RALGAPA2: variants seen among roughly 807,000 people sequenced by gnomAD.
RALGAPA2 encodes the protein Ral GTPase activating protein catalytic subunit alpha 2, also known as ral GTPase-activating protein subunit alpha-2.
In RALGAPA2, 139 loss-of-function variants were observed where a neutral mutation model predicts 230.4. The observed-to-expected ratio is 0.60, with a 90% CI of 0.53 to 0.69. The LOEUF (loss-of-function observed/expected upper bound fraction) is 0.69, where lower values mean the gene tolerates loss of function less well. Ranked by LOEUF, RALGAPA2 falls within the 30% of genes least tolerant of loss-of-function variation. The probability of loss-of-function intolerance (pLI) is 0.00; values close to 1 mark genes in which losing one functional copy is unlikely to be tolerated. For synonymous variants in RALGAPA2, 847 were observed against 837.8 expected (o/e 1.01, Z -0.19); for missense variants, 2,163 against 2,276.0 (o/e 0.95, Z 1.01).
intron 34 of RALGAPA2, chr20:20,505,037 C>A: frequency 1.0e-6 from 1 of 985,264 alleles, no homozygotes; most frequent in Non-Finnish European, 1.2e-6. Context: ...ACTCTTTCTT[C>A]ATCTTTTCAC....
chr20:20,394,274 G>A (rs371751819), intron 39 of RALGAPA2, among the ~76,000 whole-genome samples: 1 of 152,166 alleles, frequency 6.6e-6, no homozygotes, highest in Non-Finnish European at 1.5e-5. Context: ...GCCTGGCTCA[G>A]GGTGTCCTGA....
intron 18 of RALGAPA2, among the ~76,000 whole-genome samples, chr20:20,588,936 G>A (rs1461565435): frequency 6.6e-6 from 1 of 151,960 alleles, no homozygotes; most frequent in Non-Finnish European, 1.5e-5. Context: ...ATTCATGTCA[G>A]GTAGAGGCTA....
chr20:20,691,714 T>C (rs978180258), intron 1 of RALGAPA2, among the ~76,000 whole-genome samples: 12 of 152,156 alleles, frequency 7.9e-5, no homozygotes, highest in Admixed American at 6.5e-5. Flanking sequence ...ACTAGCCTGG[T>C]CCATCAGAAG....
Position 20,526,324 on chromosome 20 carries a change from G to A in RALGAPA2, c.3621C>T (p.Val1207=), listed in dbSNP as rs556548568. The A allele has an allele frequency of 3.7e-6, 6 of 1,607,440 alleles. No individual in the cohort carries two copies. Among genetic ancestry groups the A allele is most frequent in the South Asian group, 3.4e-5 (3 of 88,846 alleles). Residue 1207 remains valine (V), a synonymous_variant, in exon 28 of 40, where the codon GTC becomes GTT. Transcript: ENST00000202677. Reference sequence around the variant, plus strand: ...CCCAGTAGGAAACCAGCAACTGAAGGACATCGCAAGCTACCTGGGCCACGA... The same window carrying A: ...CCCAGTAGGAAACCAGCAACTGAAGAACATCGCAAGCTACCTGGGCCACGA... ...NKIVAQVACD[V]LQLLVSYWEK... is the part of the protein sequence containing the mutation.
chr20:20,608,315 A>G (rs1457027423), intron 14 of RALGAPA2, among the ~76,000 whole-genome samples: 1 of 152,244 alleles, frequency 6.6e-6, no homozygotes, highest in Admixed American at 6.5e-5. Flanking sequence ...GCAGGACCAC[A>G]GTTTCCTGAT....
intron 35 of RALGAPA2, among the ~76,000 whole-genome samples, chr20:20,496,773 C>T (rs1168695813): frequency 6.6e-6 from 1 of 152,148 alleles, no homozygotes; most frequent in Admixed American, 6.5e-5. Context: ...CCCAACATAG[C>T]CTCTTTTCTG....
chr20:20,598,887 C>T (rs918769070), intron 16 of RALGAPA2: 1 of 382,910 alleles, frequency 2.6e-6, no homozygotes, highest in African/African-American at 2.1e-5. Context: ...ATTATTATTA[C>T]TTTTCTGGGC....
At chr20:20,591,363 A>G in intron 16 of RALGAPA2, 49 bp from the exon 17 acceptor site, 1 of 1,566,698 alleles carries the variant, frequency 6.4e-7, no homozygotes, top group African/African-American at 1.4e-5. Context: ...GTTTTTAAAA[A>G]ACACATTCAC....
chr20:20,472,984 T>C (rs776820170), intron 36 of RALGAPA2, 28 bp from the exon 37 acceptor site: 2 of 1,586,750 alleles, frequency 1.3e-6, no homozygotes, highest in East Asian at 2.2e-5. Context: ...AAAAACAAAT[T>C]TTAAAAACTG....
chr20:20,618,826 T>C (rs895231954), intron 12 of RALGAPA2, among the ~76,000 whole-genome samples: 1 of 152,222 alleles, frequency 6.6e-6, no homozygotes, highest in Non-Finnish European at 1.5e-5. Context: ...CTATTTCATA[T>C]ATTCATTCAA....
At chr20:20,596,191 C>T (rs1376276340) in intron 16 of RALGAPA2, among the ~76,000 whole-genome samples, 1 of 152,188 alleles carries the variant, frequency 6.6e-6, no homozygotes, top group African/African-American at 2.4e-5. Flanking sequence ...AATTCTGCTG[C>T]TGCCGCCAAA....
At chr20:20,543,981 G>A (rs1184924432) in intron 24 of RALGAPA2, among the ~76,000 whole-genome samples, 1 of 151,768 alleles carries the variant, frequency 6.6e-6, no homozygotes, top group Non-Finnish European at 1.5e-5. Flanking sequence ...GAAAGTGGGT[G>A]AAGGTTATAA....
At chr20:20,404,518 T>C (rs2059908652) in intron 38 of RALGAPA2, among the ~76,000 whole-genome samples, 1 of 152,186 alleles carries the variant, frequency 6.6e-6, no homozygotes, top group Admixed American at 6.5e-5. Context: ...AGGTTGTGCA[T>C]GCACCACCTG....
intron 38 of RALGAPA2, among the ~76,000 whole-genome samples, chr20:20,405,038 T>C (rs2059918058): frequency 6.6e-6 from 1 of 152,220 alleles, no homozygotes; most frequent in Non-Finnish European, 1.5e-5. Flanking sequence ...CCTCTATCTT[T>C]TTATTTTTGT....
intron 16 of RALGAPA2, among the ~76,000 whole-genome samples, chr20:20,600,952 T>C (rs778872257): frequency 6.6e-5 from 10 of 152,074 alleles, no homozygotes; most frequent in Non-Finnish European, 1.2e-4. Context: ...ATACAAAAAT[T>C]AGCCGGGCGT....
At chr20:20,628,234 C>T (rs1481864729) in intron 10 of RALGAPA2, among the ~76,000 whole-genome samples, 1 of 152,076 alleles carries the variant, frequency 6.6e-6, no homozygotes, top group Non-Finnish European at 1.5e-5. Context: ...GAGGGCCAAA[C>T]ATTCACTATC....
chr20:20,499,558 G>A (rs1425149391), intron 35 of RALGAPA2, among the ~76,000 whole-genome samples: 1 of 152,140 alleles, frequency 6.6e-6, no homozygotes, highest in East Asian at 1.9e-4. Context: ...TTCTTGGAGG[G>A]CAGAGTTCCC....
At chr20:20,613,608 CCT>C (rs1235092348) in intron 13 of RALGAPA2, among the ~76,000 whole-genome samples, 1 of 152,186 alleles carries the variant, frequency 6.6e-6, no homozygotes, top group Non-Finnish European at 1.5e-5. Context: ...CGGCCTGCCC[CCT>C]GCCTCCTCCC....
chr20:20,457,961 C>T (rs1216905255), intron 37 of RALGAPA2, among the ~76,000 whole-genome samples: 1 of 152,140 alleles, frequency 6.6e-6, no homozygotes, highest in Non-Finnish European at 1.5e-5. Flanking sequence ...CCCCTGAAGG[C>T]CTGGATGCTG....
Sources: gnomAD v4.1 joint callset for allele counts (sites outside exome capture counted in the v4.1 genomes callset) on GRCh38, gnomAD v4.1.1 for gene constraint, MANE v1.5 for transcripts, NCBI Gene and HGNC (gene_info 2026-07-23, HGNC 2026-07-21) for gene names.